The following CNTN5 variants were observed in gnomAD, a reference collection of about 807,000 sequenced individuals.
The protein encoded by CNTN5 is contactin-5.
Under a neutral mutation model 129.1 loss-of-function variants are expected in CNTN5, and 77 were observed. The ratio of observed to expected loss-of-function variants is 0.60; its 90% confidence interval spans 0.50 to 0.72. CNTN5 has a LOEUF of 0.72. CNTN5 is among the 30% of genes least tolerant of loss of function. The pLI is 0.00. For synonymous variants in CNTN5, 509 were observed against 465.6 expected, an observed-to-expected ratio of 1.09 and a Z score of -1.20; for missense variants, 1,478 against 1,328.8, an observed-to-expected ratio of 1.11 and a Z score of -1.75.
At chr11:99,848,854 C>T (rs561351492) in intron 6 of CNTN5, among the ~76,000 whole-genome samples, 92 of 152,210 alleles carry the variant, frequency 6.0e-4, no homozygotes, top group African/African-American at 2.1e-3. Flanking sequence ...TTTTGAGGTA[C>T]CAACCAAATG....
At chr11:99,078,474 A>T (rs1865666767) in intron 1 of CNTN5, among the ~76,000 whole-genome samples, 1 of 152,222 alleles carries the variant, frequency 6.6e-6, no homozygotes, top group African/African-American at 2.4e-5. Context: ...AGATATCTGG[A>T]TGCCCATATT....
chr11:99,845,767 T>C (rs2135701522), intron 6 of CNTN5, among the ~76,000 whole-genome samples: 1 of 152,178 alleles, frequency 6.6e-6, no homozygotes, highest in Middle Eastern at 3.4e-3. Context: ...TTCATGAAAG[T>C]AGATAAAGTT....
chr11:99,506,937 T>C (rs891920248), intron 2 of CNTN5, among the ~76,000 whole-genome samples: 1 of 152,052 alleles, frequency 6.6e-6, no homozygotes, highest in Non-Finnish European at 1.5e-5. Context: ...TAAAAAAATA[T>C]AAAAAGTTGA....
At chr11:100,166,613 A>ATGTT (rs10693911) in intron 13 of CNTN5, among the ~76,000 whole-genome samples, 2 of 151,606 alleles carry the variant, frequency 1.3e-5, no homozygotes, top group African/African-American at 2.4e-5. Context: ...TTAAGAAGAA[A>ATGTT]TGTTATAAGA....
intron 1 of CNTN5, among the ~76,000 whole-genome samples, chr11:99,259,139 A>G (rs1862514683): frequency 6.6e-6 from 1 of 151,944 alleles, no homozygotes; most frequent in Non-Finnish European, 1.5e-5. Flanking sequence ...GTATATATGT[A>G]TGCATAAGGT....
intron 20 of CNTN5, among the ~76,000 whole-genome samples, chr11:100,308,127 C>A (rs929872886): frequency 6.6e-6 from 1 of 151,836 alleles, no homozygotes; most frequent in East Asian, 1.9e-4. Flanking sequence ...GGATTAATGT[C>A]TTTGCCTGTC....
chr11:99,080,722 G>A (rs1481471062), intron 1 of CNTN5, among the ~76,000 whole-genome samples: 1 of 152,130 alleles, frequency 6.6e-6, no homozygotes, highest in Non-Finnish European at 1.5e-5. Flanking sequence ...AAATCTCTGA[G>A]GAAGAGAGGA....
chr11:99,842,971 C>A (rs1947561776), intron 4 of CNTN5, among the ~76,000 whole-genome samples: 1 of 152,170 alleles, frequency 6.6e-6, no homozygotes, highest in Non-Finnish European at 1.5e-5. Context: ...TGGTTCACTT[C>A]TGCATTCCCA....
At chr11:99,407,371 G>A (rs1942123051) in intron 2 of CNTN5, among the ~76,000 whole-genome samples, 1 of 152,128 alleles carries the variant, frequency 6.6e-6, no homozygotes, top group African/African-American at 2.4e-5. Flanking sequence ...GCCTGGAAAA[G>A]GGATGTCACA....
At chr11:100,245,283 G>T (rs1949818660) in intron 16 of CNTN5, among the ~76,000 whole-genome samples, 1 of 152,138 alleles carries the variant, frequency 6.6e-6, no homozygotes, top group Admixed American at 6.6e-5. Context: ...ACATACAACA[G>T]GAGAAGGAGC....
At chr11:99,708,368 T>C (rs75252794) in intron 3 of CNTN5, among the ~76,000 whole-genome samples, 4,380 of 151,892 alleles carry the variant, frequency 0.029, 205 homozygotes, top group African/African-American at 0.099. Context: ...TTTAAATACA[T>C]GCATTTGACG....
chr11:99,547,715 A>G (rs1241850133), intron 2 of CNTN5, among the ~76,000 whole-genome samples: 1 of 152,190 alleles, frequency 6.6e-6, no homozygotes, highest in East Asian at 1.9e-4. Context: ...TTTATATGCT[A>G]CTATCTTCCA....
Position 99,333,794 on chromosome 11 carries a change from A to T in CNTN5, c.-71+8310A>T, listed in dbSNP as rs78687544. Among the ~76,000 whole-genome samples, 3,663 of 152,112 alleles carry T rather than the reference A, an allele frequency of 0.024. 316 individuals carry two copies. The East Asian group carries it at 0.24, about 10-fold the overall frequency. ...GACTTTCCCATAGACTGAGTTTTCC[A>T]GGTCATTTAACTCTCTCTAGTGTCT... is the stretch of plus-strand genomic sequence containing the variant. On this transcript the variant is annotated intron_variant, in intron 2 of 24. Coordinates refer to ENST00000524871, the MANE Select transcript of CNTN5 (RefSeq NM_014361.4).
chr11:99,819,089 C>A (rs562003485), intron 3 of CNTN5, among the ~76,000 whole-genome samples: 1 of 151,614 alleles, frequency 6.6e-6, no homozygotes, highest in African/African-American at 2.4e-5. Context: ...TTCCTCACTG[C>A]ATTTTAATAA....
chr11:100,180,405 C>A (rs996674754), intron 13 of CNTN5, among the ~76,000 whole-genome samples: 1 of 151,816 alleles, frequency 6.6e-6, no homozygotes, highest in African/African-American at 2.4e-5. Flanking sequence ...GATTTAATAT[C>A]CTGAGGCAAA....
Position 100,358,264 on chromosome 11 carries a change from A to C in CNTN5, c.*2044A>C, listed in dbSNP as rs1323878044. ...CAACTTCTTACTTACACTCTCAGAA[A>C]GCAAAGCCCAGTAAAATATTAAACA... On this transcript the variant is annotated 3_prime_UTR_variant, in exon 25 of 25. Coordinates refer to ENST00000524871, the MANE Select transcript of CNTN5 (RefSeq NM_014361.4). 1 of 151,916 alleles carries C rather than the reference A, an allele frequency of 6.6e-6. No homozygotes were observed. The highest frequency in any genetic ancestry group is 6.6e-5 in the Admixed American group (1 of 15,212). The allele number at this position is 151,916 out of a possible 1,614,324, so 9.4% of individuals were successfully genotyped here. A position where few individuals can be genotyped will look rare whatever the true frequency, so the allele number is the denominator to read the frequency against.
intron 2 of CNTN5, among the ~76,000 whole-genome samples, chr11:99,342,968 A>AAAAAC (rs565338335): frequency 6.6e-6 from 1 of 152,174 alleles, no homozygotes; most frequent in Admixed American, 6.5e-5. Flanking sequence ...ATACAAAACA[A>AAAAAC]AAAACAAAAC....
rs1858324160 is a variant in CNTN5 at position 99,185,847 on chromosome 11, AGAAATGTTAT to A, written c.-209-139498_-209-139489del. Among the ~76,000 whole-genome samples, 12 of 106,146 alleles carry A rather than the reference AGAAATGTTAT, an allele frequency of 1.1e-4. No homozygotes were observed. The South Asian group carries it at 3.7e-3, about 33-fold the overall frequency. The allele number at this position is 106,146 out of a possible 152,430, so 69.6% of individuals were successfully genotyped here. On this transcript the variant is annotated intron_variant, in intron 1 of 24. Coordinates refer to ENST00000524871, the MANE Select transcript of CNTN5 (RefSeq NM_014361.4). Reference sequence around the variant, plus strand: ...ATAACGGAGAGGAAATAAAATAAAGAGAAATGTTATCACAATTTAAAAATAACCCATCAAA... The same window carrying A: ...ATAACGGAGAGGAAATAAAATAAAGACACAATTTAAAAATAACCCATCAAA...
intron 1 of CNTN5, among the ~76,000 whole-genome samples, chr11:99,103,801 C>A (rs146504966): frequency 0.012 from 1,752 of 150,266 alleles, 13 homozygotes; most frequent in Non-Finnish European, 0.019. Context: ...GAAAGAGACA[C>A]ATAGGGGACA....
Sources: gnomAD v4.1 joint callset for allele counts (sites outside exome capture counted in the v4.1 genomes callset) on GRCh38, gnomAD v4.1.1 for gene constraint, MANE v1.5 for transcripts, NCBI Gene and HGNC (gene_info 2026-07-23, HGNC 2026-07-21) for gene names.